SHISA6: variants seen among roughly 807,000 people sequenced by gnomAD.
The protein encoded by SHISA6 is protein shisa-6.
Under a neutral mutation model 47.9 loss-of-function variants are expected in SHISA6, and 22 were observed. The observed-to-expected ratio is 0.46, with a 90% CI of 0.33 to 0.66. The LOEUF (loss-of-function observed/expected upper bound fraction) is 0.66, where lower values mean the gene tolerates loss of function less well. Ranked by LOEUF, SHISA6 falls within the 30% of genes least tolerant of loss-of-function variation. SHISA6 has a pLI of 0.02. For missense variants in SHISA6, 680 were observed against 764.6 expected (o/e 0.89, Z 1.30); for synonymous variants, 388 against 337.8 (o/e 1.15, Z -1.63).
chr17:11,383,326 TG>T (rs1335164259), intron 3 of SHISA6, among the ~76,000 whole-genome samples: 1 of 152,158 alleles, frequency 6.6e-6, no homozygotes, highest in East Asian at 1.9e-4. Context: ...TTCAAGGGCC[TG>T]GGGGTAAGAA....
intron 3 of SHISA6, among the ~76,000 whole-genome samples, chr17:11,464,032 T>A (rs1000717308): frequency 6.6e-6 from 1 of 152,120 alleles, no homozygotes; most frequent in African/African-American, 2.4e-5. Flanking sequence ...TCCACTCACC[T>A]CAGCCTCCCA....
intron 2 of SHISA6, among the ~76,000 whole-genome samples, chr17:11,337,756 C>T (rs1255334346): frequency 6.6e-6 from 1 of 152,166 alleles, no homozygotes. Context: ...TCACTGTTTG[C>T]CTGTCTTCAC....
chr17:11,323,794 AC>A (rs1206385870), intron 2 of SHISA6, among the ~76,000 whole-genome samples: 1 of 151,882 alleles, frequency 6.6e-6, no homozygotes, highest in African/African-American at 2.4e-5. Context: ...TCCTTCCCTT[AC>A]GCTCCAGGGG....
intron 3 of SHISA6, among the ~76,000 whole-genome samples, chr17:11,398,850 C>T (rs1913667411): frequency 2.0e-5 from 3 of 152,106 alleles, no homozygotes; most frequent in Admixed American, 2.0e-4. Context: ...TTTGGCCTCC[C>T]AAAGTCCTGG....
intron 1 of SHISA6, among the ~76,000 whole-genome samples, chr17:11,246,275 G>A (rs1210209747): frequency 4.6e-5 from 7 of 152,200 alleles, no homozygotes; most frequent in African/African-American, 1.7e-4. Context: ...TGGATCATTA[G>A]GTCAGGAGAT....
chr17:11,242,937 T>G (rs1907426913), intron 1 of SHISA6, among the ~76,000 whole-genome samples: 2 of 152,046 alleles, frequency 1.3e-5, no homozygotes, highest in South Asian at 4.1e-4. Context: ...CTTAGAACTC[T>G]AGGAATGACA....
chr17:11,529,258 T>C (rs943554114), intron 3 of SHISA6, among the ~76,000 whole-genome samples: 1 of 151,944 alleles, frequency 6.6e-6, no homozygotes, highest in African/African-American at 2.4e-5. Context: ...AGTTTCTGGA[T>C]ATAAGTTCGT....
At chr17:11,340,672 A>G (rs1911491401) in intron 2 of SHISA6, among the ~76,000 whole-genome samples, 1 of 152,144 alleles carries the variant, frequency 6.6e-6, no homozygotes, top group Non-Finnish European at 1.5e-5. Flanking sequence ...CTGGCCCAGG[A>G]AGGATCCAGC....
chr17:11,403,496 T>C (rs1913846960), intron 3 of SHISA6, among the ~76,000 whole-genome samples: 1 of 152,054 alleles, frequency 6.6e-6, no homozygotes. Context: ...ATGAGATGGG[T>C]TCTTGGGAGG....
chr17:11,317,963 G>A (rs1046615859), intron 2 of SHISA6, among the ~76,000 whole-genome samples: 44 of 152,100 alleles, frequency 2.9e-4, no homozygotes, highest in Middle Eastern at 3.4e-3. Context: ...TATCTAACCT[G>A]TCCCTGCCAC....
chr17:11,291,843 G>T (rs1240338394), intron 2 of SHISA6, among the ~76,000 whole-genome samples: 2 of 152,030 alleles, frequency 1.3e-5, no homozygotes, highest in East Asian at 3.9e-4. Context: ...CTTTTAGGGA[G>T]ACATCAGTTT....
At chr17:11,414,499 T>C (rs1448420623) in intron 3 of SHISA6, among the ~76,000 whole-genome samples, 1 of 152,156 alleles carries the variant, frequency 6.6e-6, no homozygotes, top group Non-Finnish European at 1.5e-5. Context: ...CTCCCTGCCA[T>C]TGAAATGTCA....
intron 3 of SHISA6, among the ~76,000 whole-genome samples, chr17:11,543,090 A>C (rs2071847494): frequency 6.6e-6 from 1 of 152,148 alleles, no homozygotes; most frequent in Non-Finnish European, 1.5e-5. Context: ...AGAAAGAAGA[A>C]ATTTAAACAG....
At chr17:11,460,866 A>G (rs1253490034) in intron 3 of SHISA6, among the ~76,000 whole-genome samples, 1 of 152,218 alleles carries the variant, frequency 6.6e-6, no homozygotes, top group Non-Finnish European at 1.5e-5. Flanking sequence ...AGAATGGACA[A>G]GTCCCTGAAT....
intron 1 of SHISA6, among the ~76,000 whole-genome samples, chr17:11,261,689 T>G (rs1908238101): frequency 6.6e-6 from 1 of 152,250 alleles, no homozygotes; most frequent in East Asian, 1.9e-4. Context: ...ATAGACCACA[T>G]TTTGTTTTTC....
At chr17:11,524,494 TTC>T (rs2071658789) in intron 3 of SHISA6, among the ~76,000 whole-genome samples, 3 of 149,630 alleles carry the variant, frequency 2.0e-5, no homozygotes, top group African/African-American at 7.5e-5. Flanking sequence ...TTTTTCTTTT[TTC>T]TTTTTTCTTT....
intron 2 of SHISA6, among the ~76,000 whole-genome samples, chr17:11,311,024 G>A (rs998265946): frequency 6.7e-5 from 10 of 148,404 alleles, no homozygotes; most frequent in African/African-American, 1.5e-4. Context: ...GGAGAATGGC[G>A]TGAACCCAGG....
intron 3 of SHISA6, among the ~76,000 whole-genome samples, chr17:11,541,320 T>C (rs548718974): frequency 2.0e-5 from 3 of 152,256 alleles, no homozygotes; most frequent in African/African-American, 7.2e-5. Context: ...TGAAGCCAGT[T>C]TGGGAAACAG....
At chr17:11,397,430 T>TGTGTGTGTGTGTGTGTG (rs1555532586) in intron 3 of SHISA6, among the ~76,000 whole-genome samples, 4 of 150,824 alleles carry the variant, frequency 2.7e-5, no homozygotes, top group Non-Finnish European at 5.9e-5. Context: ...TGTGTGTGTG[T>TGTGTGTGTGTGTGTGTG]TCACTACCTT....
Sources: allele counts gnomAD v4.1 joint callset (sites outside exome capture counted in the v4.1 genomes callset), GRCh38; gene constraint gnomAD v4.1.1; transcripts MANE v1.5; gene names NCBI Gene and HGNC (gene_info 2026-07-23, HGNC 2026-07-21).